PAPPA: variants seen among roughly 807,000 people sequenced by gnomAD.
The protein encoded by PAPPA is pappalysin 1, also known as pappalysin-1.
In PAPPA, 60 loss-of-function variants were observed where a neutral mutation model predicts 164.0. The observed-to-expected ratio is 0.37, with a 90% CI of 0.30 to 0.45. The LOEUF (loss-of-function observed/expected upper bound fraction) is 0.45, where lower values mean the gene tolerates loss of function less well. Ranked by LOEUF, PAPPA falls within the 20% of genes least tolerant of loss-of-function variation. The pLI, the probability that PAPPA is intolerant of heterozygous loss-of-function variation, is 1.00. For synonymous variants in PAPPA, 875 were observed against 814.1 expected, an observed-to-expected ratio of 1.07 and a Z score of -1.27; for missense variants, 1,782 against 2,087.3, an observed-to-expected ratio of 0.85 and a Z score of 2.85.
chr9:116,237,680 T>G (rs759079452), intron 7 of PAPPA, among the ~76,000 whole-genome samples: 10 of 152,072 alleles, frequency 6.6e-5, no homozygotes, highest in Non-Finnish European at 1.2e-4. Context: ...GCCTCAACTT[T>G]GCATGCAGGA....
intron 1 of PAPPA, among the ~76,000 whole-genome samples, chr9:116,156,766 G>T (rs1325547999): frequency 1.3e-5 from 2 of 152,158 alleles, no homozygotes; most frequent in Non-Finnish European, 2.9e-5. Context: ...CATGGTACAG[G>T]CTGTTGGACT....
At chr9:116,175,629 A>T (rs1441870013) in intron 1 of PAPPA, among the ~76,000 whole-genome samples, 2 of 152,134 alleles carry the variant, frequency 1.3e-5, no homozygotes, top group Non-Finnish European at 2.9e-5. Context: ...TCTTTCATTT[A>T]TTTATCCATT....
At chr9:116,272,713 T>G (rs1273769683) in intron 9 of PAPPA, among the ~76,000 whole-genome samples, 12 of 152,172 alleles carry the variant, frequency 7.9e-5, no homozygotes, top group Admixed American at 7.2e-4. Context: ...CCAAAAAATT[T>G]TCTCTCCTCT....
chr9:116,397,861 G>C lies in PAPPA; in HGVS notation c.*1245G>C, dbSNP rs1257270184. The C allele has an allele frequency of 6.5e-6, 1 of 152,700 alleles. No homozygotes were observed. Among genetic ancestry groups the C allele is most frequent in the African/African-American group, 2.4e-5 (1 of 41,458 alleles). The allele number at this position is 152,700 out of a possible 1,614,324, so 9.5% of individuals were successfully genotyped here. On this transcript the variant is annotated 3_prime_UTR_variant, in exon 22 of 22. Coordinates refer to ENST00000328252, the MANE Select transcript of PAPPA (RefSeq NM_002581.5). The stretch of plus-strand genomic sequence containing the variant: ...CTAATCTTCCTAGCCCTTCAGGCTA[G>C]AGTAGGCTTTGATCCTGAGAACCTT...
intron 15 of PAPPA, among the ~76,000 whole-genome samples, chr9:116,351,628 T>C (rs1846283699): frequency 6.6e-6 from 1 of 152,200 alleles, no homozygotes; most frequent in Admixed American, 6.5e-5. Context: ...AGAATTTGTT[T>C]TGAACCTCAG....
chr9:116,276,659 C>T (rs763716170), intron 9 of PAPPA, among the ~76,000 whole-genome samples: 37 of 152,212 alleles, frequency 2.4e-4, no homozygotes, highest in Admixed American at 6.5e-4. Context: ...GGGACCCCCA[C>T]GTCGTCTTTC....
chr9:116,288,796 C>T (rs1845377383), intron 9 of PAPPA: 1 of 151,856 alleles, frequency 6.6e-6, no homozygotes, highest in Admixed American at 6.6e-5. Flanking sequence ...CTTATCGAAA[C>T]CATATAGCAG....
intron 9 of PAPPA, among the ~76,000 whole-genome samples, chr9:116,280,383 T>TGA (rs1845251832): frequency 6.6e-6 from 1 of 152,186 alleles, no homozygotes; most frequent in African/African-American, 2.4e-5. Flanking sequence ...ACATTTAAGC[T>TGA]GAGACTTGAG....
At chr9:116,314,613 G>A (rs1353122193) in intron 10 of PAPPA, among the ~76,000 whole-genome samples, 1 of 152,180 alleles carries the variant, frequency 6.6e-6, no homozygotes, top group Admixed American at 6.5e-5. Context: ...ACAAGGCCAT[G>A]CACAATCTCT....
intron 21 of PAPPA, among the ~76,000 whole-genome samples, chr9:116,394,890 T>G (rs958563531): frequency 6.6e-6 from 1 of 152,226 alleles, no homozygotes; most frequent in Non-Finnish European, 1.5e-5. Flanking sequence ...ACAAATTTAT[T>G]CATTCTGTGG....
intron 9 of PAPPA, among the ~76,000 whole-genome samples, chr9:116,272,382 T>A (rs1845147227): frequency 6.6e-6 from 1 of 152,212 alleles, no homozygotes; most frequent in Non-Finnish European, 1.5e-5. Flanking sequence ...TGGGAAGATT[T>A]CTCACTGACA....
At chr9:116,333,262 C>T (rs1448387305) in intron 12 of PAPPA, among the ~76,000 whole-genome samples, 5 of 152,172 alleles carry the variant, frequency 3.3e-5, no homozygotes, top group Non-Finnish European at 7.3e-5. Flanking sequence ...ACTTGCTTCA[C>T]ATACACAGCA....
In PAPPA at chr9:116,377,696, GTTGTTA is replaced by G. The variant is rs763642599; in HGVS notation, c.4677+63_4677+68del. 1.4e-5 allele frequency: 18 copies of G among 1,318,920 alleles called. No individual in the cohort carries two copies. The East Asian group carries it at 3.0e-4, about 22-fold the overall frequency. 81.7% of individuals were successfully genotyped at this position (1,318,920 alleles called of 1,614,324 possible). A position where few individuals can be genotyped will look rare whatever the true frequency, so the allele number is the denominator to read the frequency against. On this transcript the variant is annotated intron_variant, in intron 20 of 21. Coordinates refer to ENST00000328252, the MANE Select transcript of PAPPA (RefSeq NM_002581.5). ...TCAGTTCCCTGGAAATAATCCTGCT[GTTGTTA>G]TTGTTATTGTTATATTAATGTTGGC...
intron 13 of PAPPA, among the ~76,000 whole-genome samples, chr9:116,342,619 C>T (rs1441976278): frequency 6.6e-6 from 1 of 152,070 alleles, no homozygotes; most frequent in African/African-American, 2.4e-5. Flanking sequence ...GTAAAACCCT[C>T]AGTTGGGTAT....
At chr9:116,230,806 A>G (rs1587962857) in intron 6 of PAPPA, among the ~76,000 whole-genome samples, 1 of 152,164 alleles carries the variant, frequency 6.6e-6, no homozygotes, top group African/African-American at 2.4e-5. Context: ...GCCATGTTTT[A>G]TCTGTAGCCT....
At chr9:116,369,469 A>G (rs1391520907) in intron 19 of PAPPA, among the ~76,000 whole-genome samples, 1 of 152,160 alleles carries the variant, frequency 6.6e-6, no homozygotes, top group African/African-American at 2.4e-5. Flanking sequence ...TGTGATTGGC[A>G]GCTCTTCCAA....
chr9:116,309,072 C>T (rs1024477397), intron 10 of PAPPA, among the ~76,000 whole-genome samples: 1 of 151,642 alleles, frequency 6.6e-6, no homozygotes, highest in African/African-American at 2.4e-5. Context: ...TGCATATTTT[C>T]TTTCTTTTTT....
At chr9:116,242,062 G>A (rs764368492) in intron 7 of PAPPA, among the ~76,000 whole-genome samples, 2 of 152,034 alleles carry the variant, frequency 1.3e-5, no homozygotes, top group African/African-American at 4.8e-5. Context: ...TCTGTGCTAC[G>A]AATGCAGCCC....
At chr9:116,348,177 C>T (rs1048521989) in intron 15 of PAPPA, among the ~76,000 whole-genome samples, 3 of 151,876 alleles carry the variant, frequency 2.0e-5, no homozygotes, top group African/African-American at 7.3e-5. Context: ...AAATATCTCT[C>T]TATTTCCATA....
Sources: allele counts gnomAD v4.1 joint callset (sites outside exome capture counted in the v4.1 genomes callset), GRCh38; gene constraint gnomAD v4.1.1; transcripts MANE v1.5; gene names NCBI Gene and HGNC (gene_info 2026-07-23, HGNC 2026-07-21).